SYNE1: variants seen among roughly 807,000 people sequenced by gnomAD.
SYNE1 encodes the protein nesprin-1.
SYNE1 carries 616 observed loss-of-function variants against 1,111.0 expected under a neutral mutation model. That is an observed-to-expected ratio of 0.55 (90% CI 0.52 to 0.59). The LOEUF (loss-of-function observed/expected upper bound fraction) is 0.59. Ranked by LOEUF, SYNE1 falls within the 20% of genes least tolerant of loss-of-function variation. SYNE1 has a pLI of 0.00. For synonymous variants in SYNE1, 3,855 were observed against 3,825.8 expected (o/e 1.01, Z -0.28); for missense variants, 10,006 against 10,417.0 (o/e 0.96, Z 1.72).
chr6:152,429,588 T>C (rs559588188), intron 36 of SYNE1, among the ~76,000 whole-genome samples: 2 of 152,254 alleles, frequency 1.3e-5, no homozygotes, highest in South Asian at 4.1e-4. Flanking sequence ...TAATGTACGG[T>C]AGTATTTCTT....
At chr6:152,135,838 C>T (rs2056940271) in intron 141 of SYNE1, among the ~76,000 whole-genome samples, 1 of 152,156 alleles carries the variant, frequency 6.6e-6, no homozygotes, top group Non-Finnish European at 1.5e-5. Context: ...GATCCAATCT[C>T]CTGGCCTGGA....
chr6:152,562,682 T>C (rs1200864904), intron 3 of SYNE1, among the ~76,000 whole-genome samples: 1 of 152,130 alleles, frequency 6.6e-6, no homozygotes, highest in African/African-American at 2.4e-5. Flanking sequence ...GGGATAGCAT[T>C]AGGAGAAATA....
chr6:152,619,046 T>TCACACACACA (rs56677340), intron 3 of SYNE1, among the ~76,000 whole-genome samples: 35 of 135,790 alleles, frequency 2.6e-4, no homozygotes, highest in Non-Finnish European at 3.9e-4. Context: ...GGTGTGAGAA[T>TCACACACACA]CACACACACA....
intron 76 of SYNE1, chr6:152,335,398 C>T (rs535535488): frequency 3.3e-5 from 5 of 152,232 alleles, no homozygotes; most frequent in Admixed American, 3.3e-4. Context: ...CTTATTAAGA[C>T]ATTTCTGTAT....
At position 152,419,644 on chromosome 6, in the gene SYNE1, T is replaced by C. The variant is rs2098221960; in HGVS notation, c.5346A>G (p.Lys1782=). 4.3e-6 allele frequency: 7 copies of C among 1,613,896 alleles called. No individual in the cohort carries two copies. The highest frequency in any genetic ancestry group is 1.1e-5 in the South Asian group (1 of 91,054). Residue 1782 remains lysine, a synonymous_variant, in exon 40 of 146, where the codon AAA becomes AAG. Coordinates refer to ENST00000367255, the MANE Select transcript of SYNE1 (RefSeq NM_182961.4). Reference sequence around the variant, plus strand: ...TAGTTTGTAATTCACTGAGAAACAGTTTAATCCAGACAGAAAAGGAAAGCA... The same window carrying C: ...TAGTTTGTAATTCACTGAGAAACAGCTTAATCCAGACAGAAAAGGAAAGCA... ...ELLLSFSVWI[K]LFLSELQTTS...
At chr6:152,458,216 A>G (rs1450124134) in intron 22 of SYNE1, among the ~76,000 whole-genome samples, 3 of 152,316 alleles carry the variant, frequency 2.0e-5, no homozygotes, top group Middle Eastern at 3.4e-3. Context: ...AAAGCAGAGA[A>G]ATAATAGAAA....
At chr6:152,369,408 A>G (rs1231801884) in intron 60 of SYNE1, 63 bp downstream of exon 60, 1 of 1,610,604 alleles carries the variant, frequency 6.2e-7, no homozygotes, top group East Asian at 2.2e-5. Flanking sequence ...ATGCATCTGT[A>G]AGGTCGACAG....
chr6:152,211,861 T>G (rs1372353974), intron 123 of SYNE1, among the ~76,000 whole-genome samples: 1 of 152,136 alleles, frequency 6.6e-6, no homozygotes, highest in East Asian at 1.9e-4. Flanking sequence ...AAACACCTAA[T>G]AAAGTAAGTT....
At position 152,540,021 on chromosome 6, in the gene SYNE1, T is replaced by C. The variant is rs370851746; in HGVS notation, c.68A>G (p.Asp23Gly). 12 of 1,613,658 alleles carry C rather than the reference T, an allele frequency of 7.4e-6. No homozygotes were observed. Among genetic ancestry groups the C allele is most frequent in the African/African-American group, 1.3e-5 (1 of 74,922 alleles). Reference sequence around the variant, plus strand: ...TCGTTTTTGTACTATCTCTTGCTCATCTAGAAGGAAAAAGAAATCTGGTTA... The same window carrying C: ...TCGTTTTTGTACTATCTCTTGCTCACCTAGAAGGAAAAAGAAATCTGGTTA... The part of the protein sequence containing the change: ...DIANVMQRLQ[D>G]EQEIVQKRTF... The change falls in exon 4 of 146, where the codon GAT becomes GGT. Residue 23 changes from aspartate (D) to glycine (G), a missense_variant and splice_region_variant. Physicochemically the swap from Asp to Gly is moderately conservative, Grantham distance 94 (BLOSUM62 -1). Around this residue, in one of 7 missense-constraint regions of SYNE1, gnomAD observed 1,971 missense variants for 2,084.1 expected, o/e 0.95. Transcript: ENST00000367255.
At chr6:152,549,966 C>G (rs2099331687) in intron 3 of SYNE1, among the ~76,000 whole-genome samples, 1 of 152,122 alleles carries the variant, frequency 6.6e-6, no homozygotes, top group Non-Finnish European at 1.5e-5. Flanking sequence ...TATCTCCGTT[C>G]CTAAGTTACA....
intron 14 of SYNE1, 87 bp downstream of exon 14, chr6:152,482,998 C>G: frequency 6.9e-7 from 1 of 1,454,590 alleles, no homozygotes; most frequent in South Asian, 1.1e-5. Flanking sequence ...TTTGGGGCGT[C>G]CCCGCCAGAG....
intron 39 of SYNE1, among the ~76,000 whole-genome samples, chr6:152,423,642 G>A (rs1292120374): frequency 6.6e-6 from 1 of 152,168 alleles, no homozygotes. Context: ...GGCATTCCCT[G>A]TCCTTAAACA....
At position 152,136,714 on chromosome 6, in the gene SYNE1, C is replaced by T; in HGVS notation, c.25563G>A (p.Gln8521=). Residue 8521 remains glutamine (Q), a synonymous_variant, in exon 141 of 146, where the codon CAG becomes CAA. Transcript: ENST00000367255. Reference sequence around the variant, plus strand: ...GCCCATTCATCTGCGACAAGCGATCCTGCAGGTCCCGGCTCTCCTTGCTGT... The same window carrying T: ...GCCCATTCATCTGCGACAAGCGATCTTGCAGGTCCCGGCTCTCCTTGCTGT... ...QADSKESRDL[Q]DRLSQMNGRW... is the part of the protein sequence containing the mutation. The T allele has an allele frequency of 6.2e-7, 1 of 1,614,246 alleles. No individual in the cohort carries two copies. The highest frequency in any genetic ancestry group is 8.5e-7 in the Non-Finnish European group (1 of 1,180,050).
chr6:152,447,521 C>T lies in SYNE1; in HGVS notation c.3606G>A (p.Lys1202=), dbSNP rs2098603099. The part of the protein sequence containing the change: ...TEVSSENEAQ[K]QGDELAKLSS... ...ATAATTTTGCCAGCTCATCTCCCTG[C>T]TTTTGGGCTTCATTCTCAGAAGAAA... Residue 1202 remains lysine, a synonymous_variant, in exon 29 of 146, where the codon AAG becomes AAA. Transcript: ENST00000367255. 6.2e-7 allele frequency: 1 copy of T among 1,614,212 alleles called. No individual in the cohort carries two copies. The highest frequency in any genetic ancestry group is 8.5e-7 in the Non-Finnish European group (1 of 1,180,040).
chr6:152,487,253 T>C (rs1349864725), intron 12 of SYNE1, among the ~76,000 whole-genome samples: 1 of 152,186 alleles, frequency 6.6e-6, no homozygotes, highest in Admixed American at 6.5e-5. Flanking sequence ...CATGTGTCCA[T>C]GTGTTCTCAT....
intron 66 of SYNE1, among the ~76,000 whole-genome samples, chr6:152,355,926 T>C (rs1159195613): frequency 6.6e-6 from 1 of 152,170 alleles, no homozygotes; most frequent in Non-Finnish European, 1.5e-5. Flanking sequence ...TCTTCAAATA[T>C]GATGTCACTT....
In SYNE1 at chr6:152,369,982, C is replaced by CAAAAA. The variant is rs778013525; in HGVS notation, c.9508-373_9508-369dup. 8.5e-3 allele frequency among the ~76,000 whole-genome samples: 425 copies of CAAAAA among 49,972 alleles called. 36 individuals are homozygous for CAAAAA. Among genetic ancestry groups the CAAAAA allele is most frequent in the African/African-American group, 0.027 (329 of 11,968 alleles). The allele number at this position is 49,972 out of a possible 152,430, so 32.8% of individuals were successfully genotyped here. A position where few individuals can be genotyped will look rare whatever the true frequency, so the allele number is the denominator to read the frequency against. ...TGGGTGACAGAGGGTGACTCTGTCT[C>CAAAAA]AAAAAAAAAAAAAAAAAAAAAAAAA... is the stretch of plus-strand genomic sequence containing the variant. On this transcript the variant is annotated intron_variant, in intron 59 of 145. Transcript: ENST00000367255.
At position 152,242,438 on chromosome 6, in the gene SYNE1, G is replaced by A. The variant is rs748526264; in HGVS notation, c.19695C>T (p.Asp6565=). The part of the protein sequence containing the change: ...PSMQELSKLQ[D]MYDELMMIIG... Reference sequence around the variant, plus strand: ...TGATCATCATCAGCTCATCATACATGTCCTAAGAAGCAGAGACCACAAGAC... The same window carrying A: ...TGATCATCATCAGCTCATCATACATATCCTAAGAAGCAGAGACCACAAGAC... The change falls in exon 107 of 146, where the codon GAC becomes GAT. Residue 6565 remains aspartate (D), a splice_region_variant and synonymous_variant. Coordinates refer to ENST00000367255, the MANE Select transcript of SYNE1 (RefSeq NM_182961.4). 5 of 1,613,708 alleles carry A rather than the reference G, an allele frequency of 3.1e-6. No homozygotes were observed. Among genetic ancestry groups the A allele is most frequent in the Non-Finnish European group, 4.2e-6 (5 of 1,179,964 alleles).
In SYNE1 at chr6:152,324,983, C is replaced by T. The variant is rs554971937; in HGVS notation, c.15657+101G>A. On this transcript the variant is annotated intron_variant, in intron 81 of 145. Coordinates refer to ENST00000367255, the MANE Select transcript of SYNE1 (RefSeq NM_182961.4). The stretch of plus-strand genomic sequence containing the variant: ...AACAGATTTTAAAAAGCCTTTATTA[C>T]TTTCATAAGGCTGACTTCAAAAAGG... 1.0e-4 allele frequency: 141 copies of T among 1,379,780 alleles called. 1 individual carries two copies. The African/African-American group carries it at 1.7e-3, about 17-fold the overall frequency. 85.5% of individuals were successfully genotyped at this position (1,379,780 alleles called of 1,614,324 possible). A position where few individuals can be genotyped will look rare whatever the true frequency, so the allele number is the denominator to read the frequency against.
Sources: gnomAD v4.1 joint callset for allele counts (sites outside exome capture counted in the v4.1 genomes callset) on GRCh38, gnomAD v4.1.1 for gene constraint, gnomAD v4.1.1 regional missense constraint, MANE v1.5 for transcripts, NCBI Gene and HGNC (gene_info 2026-07-23, HGNC 2026-07-21) for gene names.